Variants in FAF1 observed in about 807,000 individuals in gnomAD.
FAF1 encodes FAS-associated factor 1.
Under a neutral mutation model 92.5 loss-of-function variants are expected in FAF1, and 25 were observed. That is an observed-to-expected ratio of 0.27 (90% CI 0.20 to 0.38). The LOEUF is 0.38. Ranked by LOEUF, FAF1 falls within the 10% of genes least tolerant of loss-of-function variation. The probability of loss-of-function intolerance (pLI) is 1.00; values close to 1 mark genes in which losing one functional copy is unlikely to be tolerated. For missense variants in FAF1, 636 were observed against 793.3 expected (o/e 0.80, Z 2.38); for synonymous variants, 234 against 273.2 (o/e 0.86, Z 1.42).
intron 2 of FAF1, among the ~76,000 whole-genome samples, chr1:50,808,687 C>T (rs1662304006): frequency 6.6e-6 from 1 of 151,250 alleles, no homozygotes; most frequent in African/African-American, 2.4e-5. Context: ...TTCTCCCTAA[C>T]ACTGCTTTAG....
intron 7 of FAF1, among the ~76,000 whole-genome samples, chr1:50,694,792 C>CAAAA (rs371721063): frequency 7.2e-5 from 4 of 55,844 alleles, no homozygotes; most frequent in African/African-American, 1.2e-4. Flanking sequence ...CTAAAAAATA[C>CAAAA]AAAAAAAAAA....
At position 50,895,140 on chromosome 1, in the gene FAF1, C is replaced by T. The variant is rs77191068; in HGVS notation, c.46-37143G>A. Among the ~76,000 whole-genome samples the T allele has an allele frequency of 2.7e-4, 41 of 151,764 alleles. No homozygotes were observed. In the East Asian group the frequency reaches 7.4e-3, roughly 27 times the overall value. Reference sequence around the variant, plus strand: ...AAAAATTGACAAATCTTTAACCAGACTAAATAAAAGAGGAAAATAAATAAA... The same window carrying T: ...AAAAATTGACAAATCTTTAACCAGATTAAATAAAAGAGGAAAATAAATAAA... On this transcript the variant is annotated intron_variant, in intron 1 of 18. Transcript: ENST00000396153.
intron 7 of FAF1, among the ~76,000 whole-genome samples, chr1:50,703,706 A>G (rs1235632493): frequency 6.6e-6 from 1 of 152,356 alleles, no homozygotes; most frequent in East Asian, 1.9e-4. Context: ...AGAAAATGGT[A>G]TAAAAAAGAT....
In FAF1 at chr1:50,888,453, C is replaced by A. The variant is rs545992287; in HGVS notation, c.46-30456G>T. ...GAGAGAGGGCATCCCTGTCTAGTGC[C>A]AGTTTTCAAAGGGAATGCTTCCAGT... On this transcript the variant is annotated intron_variant, in intron 1 of 18. Transcript: ENST00000396153. Among the ~76,000 whole-genome samples the A allele has an allele frequency of 1.1e-3, 161 of 152,200 alleles. 4 individuals are homozygous for A. In the East Asian group the frequency reaches 0.026, roughly 25 times the overall value.
At chr1:50,778,275 G>T (rs1661035414) in intron 4 of FAF1, among the ~76,000 whole-genome samples, 1 of 152,176 alleles carries the variant, frequency 6.6e-6, no homozygotes, top group South Asian at 2.1e-4. Flanking sequence ...ATTGCTAGTA[G>T]GAGGAATGAG....
At chr1:50,948,298 G>A (rs1645186309) in intron 1 of FAF1, among the ~76,000 whole-genome samples, 1 of 152,176 alleles carries the variant, frequency 6.6e-6, no homozygotes, top group Non-Finnish European at 1.5e-5. Flanking sequence ...CTGAGGCTGG[G>A]TAATTTATAC....
At chr1:50,869,529 C>T (rs955265508) in intron 1 of FAF1, among the ~76,000 whole-genome samples, 3 of 152,088 alleles carry the variant, frequency 2.0e-5, no homozygotes, top group African/African-American at 7.2e-5. Flanking sequence ...AACTTTTATT[C>T]ATTTGAATAT....
intron 7 of FAF1, among the ~76,000 whole-genome samples, chr1:50,675,961 T>C (rs909569248): frequency 6.6e-6 from 1 of 152,234 alleles, no homozygotes; most frequent in Non-Finnish European, 1.5e-5. Context: ...GGTATAGAAA[T>C]TGCTTTATTA....
intron 2 of FAF1, among the ~76,000 whole-genome samples, chr1:50,845,675 C>T (rs563549622): frequency 6.6e-6 from 1 of 152,204 alleles, no homozygotes; most frequent in South Asian, 2.1e-4. Flanking sequence ...AGCATCTTTT[C>T]TATTCAGTAG....
At chr1:50,768,932 A>G (rs1306064799) in intron 4 of FAF1, among the ~76,000 whole-genome samples, 2 of 152,144 alleles carry the variant, frequency 1.3e-5, no homozygotes, top group African/African-American at 4.8e-5. Flanking sequence ...GACAAGAAAT[A>G]ACCAAAATCA....
intron 2 of FAF1, among the ~76,000 whole-genome samples, chr1:50,843,275 A>G (rs1485266548): frequency 1.3e-5 from 2 of 152,136 alleles, no homozygotes; most frequent in Non-Finnish European, 2.9e-5. Context: ...ATGGATATAT[A>G]ATAGCCGTAT....
At chr1:50,637,681 A>ATGTGTGTGTGTGTGTG (rs142201244) in intron 8 of FAF1, among the ~76,000 whole-genome samples, 10 of 137,156 alleles carry the variant, frequency 7.3e-5, no homozygotes, top group Non-Finnish European at 1.4e-4. Context: ...ACATATATAT[A>ATGTGTGTGTGTGTGTG]TGTGTGTGTG....
intron 2 of FAF1, among the ~76,000 whole-genome samples, chr1:50,846,121 G>C (rs1222531314): frequency 6.6e-6 from 1 of 151,674 alleles, no homozygotes. Context: ...GAACAAAAGT[G>C]AGAAAGGAAA....
At chr1:50,823,370 G>C (rs1302573234) in intron 2 of FAF1, among the ~76,000 whole-genome samples, 2 of 152,078 alleles carry the variant, frequency 1.3e-5, no homozygotes, top group Non-Finnish European at 2.9e-5. Context: ...CAAACCCTGG[G>C]GAACTAGAAG....
chr1:50,904,374 ATTAAAG>A (rs2124712729), intron 1 of FAF1, among the ~76,000 whole-genome samples: 1 of 152,326 alleles, frequency 6.6e-6, no homozygotes, highest in South Asian at 2.1e-4. Flanking sequence ...GAAATGAGGA[ATTAAAG>A]TTTAATTGGC....
intron 12 of FAF1, among the ~76,000 whole-genome samples, chr1:50,569,538 C>T (rs1347886255): frequency 6.6e-6 from 1 of 152,140 alleles, no homozygotes; most frequent in Non-Finnish European, 1.5e-5. Context: ...TTCTTAGGAG[C>T]TCTCTAACTG....
chr1:50,850,306 G>A (rs1414455770), intron 2 of FAF1, among the ~76,000 whole-genome samples: 1 of 152,200 alleles, frequency 6.6e-6, no homozygotes, highest in African/African-American at 2.4e-5. Context: ...TCATGATGAA[G>A]AGGAGGGGTT....
At chr1:50,647,197 T>A (rs1654638085) in intron 8 of FAF1, among the ~76,000 whole-genome samples, 1 of 152,126 alleles carries the variant, frequency 6.6e-6, no homozygotes, top group South Asian at 2.1e-4. Context: ...AAGCTTAACC[T>A]AACTTAATAG....
At chr1:50,647,249 A>C (rs1229553568) in intron 8 of FAF1, among the ~76,000 whole-genome samples, 2 of 152,226 alleles carry the variant, frequency 1.3e-5, no homozygotes, top group Non-Finnish European at 2.9e-5. Context: ...ATATGCCTAT[A>C]ATAATAGTTA....
Sources: allele counts gnomAD v4.1 joint callset (sites outside exome capture counted in the v4.1 genomes callset), GRCh38; gene constraint gnomAD v4.1.1; transcripts MANE v1.5; gene names NCBI Gene and HGNC (gene_info 2026-07-23, HGNC 2026-07-21).